Variants in FBXO42 observed in about 807,000 individuals in gnomAD.
FBXO42 encodes the protein F-box only protein 42.
In FBXO42, 12 loss-of-function variants were observed where a neutral mutation model predicts 71.7. That is an observed-to-expected ratio of 0.17 (90% CI 0.11 to 0.27). The LOEUF (loss-of-function observed/expected upper bound fraction) is 0.27. Among genes scored for constraint, FBXO42 ranks in the 10% least tolerant of loss-of-function variants. The pLI, the probability that FBXO42 is intolerant of heterozygous loss-of-function variation, is 1.00. For synonymous variants in FBXO42, 325 were observed against 327.5 expected (o/e 0.99, Z 0.08); for missense variants, 707 against 911.9 (o/e 0.78, Z 2.89).
At chr1:16,283,494 G>GTTTTTTTTTTTTTTTTTTTTGT (rs2081987177) in intron 4 of FBXO42, among the ~76,000 whole-genome samples, 1 of 80,972 alleles carries the variant, frequency 1.2e-5, no homozygotes, top group African/African-American at 4.5e-5. Flanking sequence ...ACTGTGGCAA[G>GTTTTTTTTTTTTTTTTTTTTGT]TTTTTTTTTT....
At chr1:16,343,081 C>G (rs1053488858) in intron 1 of FBXO42, among the ~76,000 whole-genome samples, 1 of 152,140 alleles carries the variant, frequency 6.6e-6, no homozygotes, top group South Asian at 2.1e-4. Flanking sequence ...CTCAGGTATT[C>G]TTTACAGAAA....
chr1:16,339,893 C>T (rs2082585827), intron 1 of FBXO42, among the ~76,000 whole-genome samples: 1 of 152,162 alleles, frequency 6.6e-6, no homozygotes, highest in Non-Finnish European at 1.5e-5. Context: ...ATCCAGGCTG[C>T]AGTGAGCCAT....
chr1:16,337,883 C>CAAA lies in FBXO42; in HGVS notation c.-18+14369_-18+14371dup, dbSNP rs60328879. 5.8e-3 allele frequency among the ~76,000 whole-genome samples: 225 copies of CAAA among 38,840 alleles called. 26 individuals are homozygous for CAAA. The highest frequency in any genetic ancestry group is 0.012 in the African/African-American group (127 of 10,696). The allele number at this position is 38,840 out of a possible 152,430, so 25.5% of individuals were successfully genotyped here. A position where few individuals can be genotyped will look rare whatever the true frequency, so the allele number is the denominator to read the frequency against. On this transcript the variant is annotated intron_variant, in intron 1 of 9. Coordinates refer to ENST00000375592, the MANE Select transcript of FBXO42 (RefSeq NM_018994.3). Reference sequence around the variant, plus strand: ...TGGGAGAAAGAGCGAGACTCCGTCTCAAAAAAAAAAAAAAAAAAAAAAAAA... The same window carrying CAAA: ...TGGGAGAAAGAGCGAGACTCCGTCTCAAAAAAAAAAAAAAAAAAAAAAAAAAAA...
chr1:16,318,401 G>A (rs1358440794), intron 1 of FBXO42, among the ~76,000 whole-genome samples: 1 of 151,372 alleles, frequency 6.6e-6, no homozygotes, highest in Non-Finnish European at 1.5e-5. Flanking sequence ...CTGGGCGACA[G>A]AGCAAGACTC....
chr1:16,325,919 C>A (rs1405267687), intron 1 of FBXO42, among the ~76,000 whole-genome samples: 2 of 151,944 alleles, frequency 1.3e-5, no homozygotes, highest in Non-Finnish European at 2.9e-5. Context: ...AGCCACCACA[C>A]CTGGCCGAAA....
At chr1:16,313,748 T>C (rs2082338388) in intron 2 of FBXO42, among the ~76,000 whole-genome samples, 1 of 152,172 alleles carries the variant, frequency 6.6e-6, no homozygotes, top group Non-Finnish European at 1.5e-5. Context: ...CTCTGTTATA[T>C]CTCTGGCTGC....
intron 4 of FBXO42, among the ~76,000 whole-genome samples, chr1:16,270,365 C>A (rs2081826408): frequency 2.6e-5 from 4 of 152,270 alleles, no homozygotes; most frequent in Non-Finnish European, 5.9e-5. Context: ...AGTGTCTCTG[C>A]TAGATGGAGT....
At chr1:16,265,025 T>C (rs970150947) in intron 4 of FBXO42, among the ~76,000 whole-genome samples, 2 of 152,226 alleles carry the variant, frequency 1.3e-5, no homozygotes, top group African/African-American at 2.4e-5. Flanking sequence ...GCTCAACTAT[T>C]TGATAACAAG....
intron 4 of FBXO42, among the ~76,000 whole-genome samples, chr1:16,283,071 G>A (rs2081981698): frequency 6.6e-6 from 1 of 152,056 alleles, no homozygotes; most frequent in Non-Finnish European, 1.5e-5. Context: ...CCACAGTTTA[G>A]GTAAGCTTCT....
At chr1:16,317,687 G>A (rs796963057) in intron 1 of FBXO42, among the ~76,000 whole-genome samples, 25 of 152,114 alleles carry the variant, frequency 1.6e-4, no homozygotes, top group African/African-American at 6.0e-4. Context: ...ACTTTAGTAA[G>A]CCAAAACAGG....
chr1:16,301,556 G>C (rs2100545993), intron 3 of FBXO42, among the ~76,000 whole-genome samples: 1 of 151,864 alleles, frequency 6.6e-6, no homozygotes, highest in Non-Finnish European at 1.5e-5. Context: ...CCAGCTACTT[G>C]GGAGGCTGAG....
chr1:16,350,931 A>G (rs1328769633), intron 1 of FBXO42, among the ~76,000 whole-genome samples: 1 of 152,202 alleles, frequency 6.6e-6, no homozygotes, highest in Non-Finnish European at 1.5e-5. Context: ...GTTACTGGGT[A>G]TAAAATGACA....
chr1:16,290,134 C>A (rs1367019470), intron 4 of FBXO42, among the ~76,000 whole-genome samples: 1 of 152,118 alleles, frequency 6.6e-6, no homozygotes, highest in Non-Finnish European at 1.5e-5. Context: ...GATCTGTCAT[C>A]CCAACACTCG....
chr1:16,326,337 TG>T, intron 1 of FBXO42, among the ~76,000 whole-genome samples: 1 of 151,252 alleles, frequency 6.6e-6, no homozygotes, highest in Middle Eastern at 3.4e-3. Context: ...ATTACAGGCA[TG>T]AGCCACCGTG....
chr1:16,262,767 G>A lies in FBXO42; in HGVS notation c.503-6008C>T, dbSNP rs377372153. 2.1e-4 allele frequency among the ~76,000 whole-genome samples: 32 copies of A among 151,964 alleles called. 1 individual carries two copies. In the South Asian group the frequency reaches 6.1e-3, roughly 29 times the overall value. On this transcript the variant is annotated intron_variant, in intron 4 of 9. Coordinates refer to ENST00000375592, the MANE Select transcript of FBXO42 (RefSeq NM_018994.3). Reference sequence around the variant, plus strand: ...AGGCTAGAGTCTGGAGTGCAGTGGCGTAATCGATCTCAGCTCACTGCAACT... The same window carrying A: ...AGGCTAGAGTCTGGAGTGCAGTGGCATAATCGATCTCAGCTCACTGCAACT...
chr1:16,254,753 C>T (rs1315179752), intron 6 of FBXO42, among the ~76,000 whole-genome samples: 5 of 152,282 alleles, frequency 3.3e-5, no homozygotes, highest in East Asian at 1.9e-4. Context: ...CTGCTGCTAC[C>T]GCTGAATCAG....
Position 16,258,275 on chromosome 1 carries a change from G to A in FBXO42, c.503-1516C>T, listed in dbSNP as rs146373196. On this transcript the variant is annotated intron_variant, in intron 4 of 9. Transcript: ENST00000375592. Reference sequence around the variant, plus strand: ...GTGATCTCACTTAGGGGAACAATACGATTTACTGAGAAGGCATCAGTCCTG... The same window carrying A: ...GTGATCTCACTTAGGGGAACAATACAATTTACTGAGAAGGCATCAGTCCTG... Among the ~76,000 whole-genome samples the A allele has an allele frequency of 1.1e-3, 174 of 152,218 alleles. 1 individual carries two copies. The highest frequency in any genetic ancestry group is 4.2e-3 in the African/African-American group (174 of 41,550).
chr1:16,271,607 G>T (rs1335992312), intron 4 of FBXO42, among the ~76,000 whole-genome samples: 1 of 151,768 alleles, frequency 6.6e-6, no homozygotes, highest in African/African-American at 2.4e-5. Flanking sequence ...ATACCCACTT[G>T]TACCACTCTC....
chr1:16,341,551 T>G (rs1476076016), intron 1 of FBXO42, among the ~76,000 whole-genome samples: 1 of 135,524 alleles, frequency 7.4e-6, no homozygotes, highest in East Asian at 2.2e-4. Flanking sequence ...GAGGTTGCAG[T>G]GAGCCAAGAT....
Sources: allele counts gnomAD v4.1 joint callset (sites outside exome capture counted in the v4.1 genomes callset), GRCh38; gene constraint gnomAD v4.1.1; transcripts MANE v1.5; gene names NCBI Gene and HGNC (gene_info 2026-07-23, HGNC 2026-07-21).